CELF2: variants seen among roughly 807,000 people sequenced by gnomAD.
The protein encoded by CELF2 is CUGBP Elav-like family member 2, also known as CUG triplet repeat RNA-binding protein 2.
CELF2 carries 8 observed loss-of-function variants against 62.6 expected under a neutral mutation model. That is an observed-to-expected ratio of 0.13 (90% CI 0.07 to 0.23). The LOEUF (loss-of-function observed/expected upper bound fraction) is 0.23, where lower values mean the gene tolerates loss of function less well. Among genes scored for constraint, CELF2 ranks in the 10% least tolerant of loss-of-function variants. The probability of loss-of-function intolerance (pLI) is 1.00; values close to 1 mark genes in which losing one functional copy is unlikely to be tolerated. For synonymous variants in CELF2, 258 were observed against 250.0 expected, an observed-to-expected ratio of 1.03 and a Z score of -0.30; for missense variants, 333 against 671.0, an observed-to-expected ratio of 0.50 and a Z score of 5.56.
At chr10:11,054,016 A>T (rs919804278) in intron 1 of CELF2, among the ~76,000 whole-genome samples, 3 of 152,180 alleles carry the variant, frequency 2.0e-5, no homozygotes, top group Non-Finnish European at 4.4e-5. Flanking sequence ...AAAATACCCC[A>T]TTTTGATACT....
rs552035961 is a variant in CELF2, at chr10:11,271,894, C to T, written c.777+1070C>T. On this transcript the variant is annotated intron_variant, in intron 7 of 12. Coordinates refer to ENST00000633077, the MANE Select transcript of CELF2 (RefSeq NM_001326342.2). ...TGGAAGGTGAGATGATCCTGCTTTT[C>T]GGACATATGAGGAAAGGGAGACTCA... Among the ~76,000 whole-genome samples the T allele has an allele frequency of 7.2e-5, 11 of 152,226 alleles. No individual in the cohort carries two copies. In the South Asian group the frequency reaches 1.2e-3, roughly 17 times the overall value.
At position 11,156,345 on chromosome 10, in the gene CELF2, G is replaced by A. The variant is rs140025305; in HGVS notation, c.75-9141G>A. ...CTGCTTTGAAGACTTCTCGCGTGCCGTATTAAATCTATTCATTCAGTAAAT... is the reference window on the plus strand; with the variant it reads ...CTGCTTTGAAGACTTCTCGCGTGCCATATTAAATCTATTCATTCAGTAAAT... On this transcript the variant is annotated intron_variant, in intron 1 of 12. Transcript: ENST00000633077. The surrounding 1 kb of genome is among the most constrained non-coding windows in gnomAD (Gnocchi z 4.3). 3.3e-5 allele frequency among the ~76,000 whole-genome samples: 5 copies of A among 152,250 alleles called. No homozygotes were observed. Among genetic ancestry groups the A allele is most frequent in the South Asian group, 2.1e-4 (1 of 4,820 alleles).
chr10:10,809,908 T>C (rs1446747433), intron 1 of CELF2, among the ~76,000 whole-genome samples: 1 of 152,190 alleles, frequency 6.6e-6, no homozygotes, highest in Non-Finnish European at 1.5e-5. Flanking sequence ...TTGACAACTC[T>C]GAAAACATAC....
rs774167712 is a variant in CELF2 at position 11,314,344 on chromosome 10, G to A, written c.1096+86G>A. 31 of 1,575,606 alleles carry A rather than the reference G, an allele frequency of 2.0e-5. No homozygotes were observed. The highest frequency in any genetic ancestry group is 1.7e-4 in the Middle Eastern group (1 of 6,002). The stretch of plus-strand genomic sequence containing the variant: ...GAAAGTGGTCAGCCAGAAATGACCC[G>A]AAAAAGGATATGCCACGGGGAGAAC... On this transcript the variant is annotated intron_variant, in intron 10 of 12. Transcript: ENST00000633077. This position sits in a 1 kb window ranked among gnomAD's most constrained non-coding sequence, Gnocchi z 5.3.
chr10:10,890,949 A>G (rs1342075754), intron 1 of CELF2, among the ~76,000 whole-genome samples: 1 of 152,078 alleles, frequency 6.6e-6, no homozygotes, highest in Admixed American at 6.6e-5. Flanking sequence ...TGGGAGGTGG[A>G]GGTTGCAGTG....
the CELF2 span, among the ~76,000 whole-genome samples, chr10:10,651,089 C>A: frequency 6.6e-6 from 1 of 150,666 alleles, no homozygotes; most frequent in African/African-American, 2.4e-5. Flanking sequence ...GTTCCCTTTC[C>A]AAGTCAAAGA....
chr10:10,822,494 T>C (rs2057047528), intron 1 of CELF2, among the ~76,000 whole-genome samples: 1 of 152,224 alleles, frequency 6.6e-6, no homozygotes, highest in African/African-American at 2.4e-5. Flanking sequence ...CATGATATTA[T>C]TTTTACTCAA....
At chr10:11,035,261 A>T (rs548388544) in intron 1 of CELF2, among the ~76,000 whole-genome samples, 1 of 152,216 alleles carries the variant, frequency 6.6e-6, no homozygotes, top group Non-Finnish European at 1.5e-5. Flanking sequence ...TTATACATAG[A>T]AAAGCTATTT....
At chr10:10,491,888 T>C in the CELF2 span, among the ~76,000 whole-genome samples, 1 of 152,214 alleles carries the variant, frequency 6.6e-6, no homozygotes, top group Non-Finnish European at 1.5e-5. Flanking sequence ...CGTCTTTTCA[T>C]AAACATGATC....
chr10:11,261,401 T>G (rs1314685995), intron 5 of CELF2, among the ~76,000 whole-genome samples: 6 of 137,682 alleles, frequency 4.4e-5, no homozygotes, highest in African/African-American at 1.6e-4. Flanking sequence ...TGCTATACTT[T>G]CAGTCGGAAT....
At chr10:11,050,237 C>T (rs750174572) in intron 1 of CELF2, among the ~76,000 whole-genome samples, 4 of 152,126 alleles carry the variant, frequency 2.6e-5, no homozygotes, top group Non-Finnish European at 4.4e-5. Flanking sequence ...ACTCTTTGTC[C>T]GTGAAGTGTT....
At chr10:10,598,527 CA>C in the CELF2 span, among the ~76,000 whole-genome samples, 31 of 152,098 alleles carry the variant, frequency 2.0e-4, no homozygotes, top group African/African-American at 6.3e-4. Context: ...ACTCATAGTG[CA>C]TTGGTTAAGA....
At chr10:10,505,335 T>G in the CELF2 span, among the ~76,000 whole-genome samples, 475 of 152,210 alleles carry the variant, frequency 3.1e-3, 2 homozygotes, top group Middle Eastern at 0.017. Flanking sequence ...GGTTGGGATA[T>G]GCTTTCTGCA....
chr10:10,986,609 G>A (rs2052780404), intron 2 of CELF2, among the ~76,000 whole-genome samples: 1 of 152,130 alleles, frequency 6.6e-6, no homozygotes, highest in South Asian at 2.1e-4. Flanking sequence ...TCTTTACATT[G>A]GAATACAGTT....
the CELF2 span, among the ~76,000 whole-genome samples, chr10:10,643,292 T>C: frequency 1.3e-5 from 2 of 151,958 alleles, no homozygotes; most frequent in East Asian, 1.9e-4. Context: ...AGGGACCCAG[T>C]TGGAGATAGT....
chr10:10,611,711 T>A, the CELF2 span, among the ~76,000 whole-genome samples: 1 of 152,184 alleles, frequency 6.6e-6, no homozygotes, highest in Non-Finnish European at 1.5e-5. Context: ...GCCTGTTAAT[T>A]ATGTACATAC....
intron 1 of CELF2, among the ~76,000 whole-genome samples, chr10:10,894,226 G>C (rs975273192): frequency 1.3e-5 from 2 of 152,330 alleles, no homozygotes; most frequent in East Asian, 3.9e-4. Context: ...TTGAAGTGCA[G>C]AGAGGAGGTA....
At position 11,039,879 on chromosome 10, in the gene CELF2, G is replaced by A. The variant is rs981867257; in HGVS notation, c.74+21716G>A. Among the ~76,000 whole-genome samples, 9 of 152,212 alleles carry A rather than the reference G, an allele frequency of 5.9e-5. No homozygotes were observed. The highest frequency in any genetic ancestry group is 2.2e-4 in the African/African-American group (9 of 41,460). The stretch of plus-strand genomic sequence containing the variant: ...TCCAGGTAACATTGGAATGTGGTAT[G>A]TGTTGGGGGTGGGATCTTCCTGTTT... On this transcript the variant is annotated intron_variant, in intron 1 of 12. Coordinates refer to ENST00000633077, the MANE Select transcript of CELF2 (RefSeq NM_001326342.2). The surrounding 1 kb of genome is among the most constrained non-coding windows in gnomAD (Gnocchi z 4.1).
intron 1 of CELF2, among the ~76,000 whole-genome samples, chr10:10,918,592 G>T (rs2064562466): frequency 6.6e-6 from 1 of 152,196 alleles, no homozygotes; most frequent in African/African-American, 2.4e-5. Context: ...AGCTGGGAGG[G>T]TCAGGGAATG....
Sources: gnomAD v4.1 joint callset for allele counts (sites outside exome capture counted in the v4.1 genomes callset) on GRCh38, gnomAD v4.1.1 for gene constraint, Gnocchi (gnomAD v3.1) non-coding constraint, MANE v1.5 for transcripts, NCBI Gene and HGNC (gene_info 2026-07-23, HGNC 2026-07-21) for gene names.